The following PTGER3 variants were observed in gnomAD, a reference collection of about 807,000 sequenced individuals.
PTGER3 encodes the protein prostaglandin E receptor 3.
PTGER3 carries 22 observed loss-of-function variants against 34.7 expected under a neutral mutation model. The ratio of observed to expected loss-of-function variants is 0.63; its 90% confidence interval spans 0.45 to 0.91. The LOEUF (loss-of-function observed/expected upper bound fraction) is 0.91. Ranked by LOEUF, PTGER3 falls within the 40% of genes least tolerant of loss-of-function variation. PTGER3 has a pLI of 0.00. For missense variants in PTGER3, 468 were observed against 519.4 expected (o/e 0.90, Z 0.96); for synonymous variants, 241 against 230.1 (o/e 1.05, Z -0.43).
intron 3 of PTGER3, among the ~76,000 whole-genome samples, chr1:70,973,938 T>C (rs1369238519): frequency 2.0e-5 from 3 of 152,268 alleles, no homozygotes; most frequent in East Asian, 3.9e-4. Flanking sequence ...ATGAGCCATA[T>C]GGCGAACACG....
intron 4 of PTGER3, among the ~76,000 whole-genome samples, chr1:70,858,594 C>T (rs1161636230): frequency 6.6e-6 from 1 of 152,128 alleles, no homozygotes; most frequent in Non-Finnish European, 1.5e-5. Context: ...CTTCAATCCT[C>T]AGATTTCTTA....
intron 4 of PTGER3, among the ~76,000 whole-genome samples, chr1:70,868,926 A>G (rs1277473021): frequency 6.6e-6 from 1 of 152,120 alleles, no homozygotes; most frequent in Non-Finnish European, 1.5e-5. Context: ...GCCCAGCTAT[A>G]AGAAGCTGGG....
At chr1:70,924,822 A>G (rs891137902) in intron 4 of PTGER3, among the ~76,000 whole-genome samples, 1 of 151,586 alleles carries the variant, frequency 6.6e-6, no homozygotes, top group Admixed American at 6.6e-5. Flanking sequence ...TAATCCATGA[A>G]CTCACCCTGA....
At chr1:71,011,856 A>G (rs5675) in intron 2 of PTGER3, 175,345 of 1,020,840 alleles carry the variant, frequency 0.17, 16,438 homozygotes, top group East Asian at 0.44. Flanking sequence ...CTTGTCTTCA[A>G]TGATGTATGT....
chr1:70,924,529 C>T (rs900349422), intron 4 of PTGER3, among the ~76,000 whole-genome samples: 4 of 152,116 alleles, frequency 2.6e-5, no homozygotes, highest in African/African-American at 7.2e-5. Flanking sequence ...TATGAGTATT[C>T]TAATTGTGGG....
At chr1:70,948,101 G>C (rs1650385879), downstream of PTGER3, among the ~76,000 whole-genome samples, 3 of 152,146 alleles carry the variant, frequency 2.0e-5, no homozygotes, top group Admixed American at 1.3e-4. Flanking sequence ...CATAGGGACA[G>C]TAACTGCTAT....
At chr1:71,046,208 C>T (rs1573024650) in intron 1 of PTGER3, among the ~76,000 whole-genome samples, 1 of 149,956 alleles carries the variant, frequency 6.7e-6, no homozygotes, top group East Asian at 2.0e-4. Context: ...ATGGCGTGAA[C>T]CCGGGAGGCG....
At chr1:70,859,862 G>A (rs1374951166) in intron 4 of PTGER3, among the ~76,000 whole-genome samples, 2 of 152,094 alleles carry the variant, frequency 1.3e-5, no homozygotes, top group Non-Finnish European at 2.9e-5. Flanking sequence ...AATCTGTATC[G>A]GTTTGACTTT....
intron 2 of PTGER3, among the ~76,000 whole-genome samples, chr1:70,990,910 C>T (rs1428548678): frequency 6.6e-6 from 1 of 152,120 alleles, no homozygotes; most frequent in Non-Finnish European, 1.5e-5. Context: ...GCTACAATTC[C>T]GTTTCACAAA....
chr1:70,852,908 T>A, intron 4 of PTGER3: 1 of 1,570,516 alleles, frequency 6.4e-7, no homozygotes, highest in Non-Finnish European at 8.7e-7. Context: ...AATGCACTGT[T>A]AATATCTTAA....
At chr1:71,044,118 T>C (rs1004622039) in intron 1 of PTGER3, among the ~76,000 whole-genome samples, 3 of 149,742 alleles carry the variant, frequency 2.0e-5, no homozygotes, top group African/African-American at 4.9e-5. Context: ...GCCCAGCCGA[T>C]GGAACCATTT....
At chr1:70,888,749 G>A (rs960208096) in intron 4 of PTGER3, among the ~76,000 whole-genome samples, 13 of 150,804 alleles carry the variant, frequency 8.6e-5, no homozygotes, top group Non-Finnish European at 1.9e-4. Context: ...TTGTGAATTT[G>A]GGGATTTTTT....
At chr1:70,862,262 A>G in intron 4 of PTGER3, 1 of 1,129,372 alleles carries the variant, frequency 8.9e-7, no homozygotes, top group African/African-American at 1.7e-5. Flanking sequence ...GTAAAAAAAA[A>G]TATTAATAGT....
chr1:70,914,267 G>C (rs143474573), intron 4 of PTGER3, among the ~76,000 whole-genome samples: 1 of 151,820 alleles, frequency 6.6e-6, no homozygotes, highest in African/African-American at 2.4e-5. Context: ...AAGCCATTGT[G>C]CCTCTGTTAC....
At chr1:70,934,610 T>C (rs1403535555) in intron 4 of PTGER3, among the ~76,000 whole-genome samples, 1 of 152,178 alleles carries the variant, frequency 6.6e-6, no homozygotes, top group East Asian at 1.9e-4. Context: ...AAACTATAAA[T>C]ATGCTCATGG....
chr1:70,968,732 T>C (rs1456997884), downstream of PTGER3, among the ~76,000 whole-genome samples: 1 of 151,878 alleles, frequency 6.6e-6, no homozygotes, highest in African/African-American at 2.4e-5. Flanking sequence ...CATATATATA[T>C]ATACTGATAT....
chr1:71,008,350 A>G, intron 2 of PTGER3: 2 of 865,272 alleles, frequency 2.3e-6, no homozygotes, highest in Non-Finnish European at 2.8e-6. Context: ...GAGAATCATA[A>G]TGCACTCTGC....
At chr1:70,986,181 G>T (rs1348546246) in intron 2 of PTGER3, among the ~76,000 whole-genome samples, 1 of 152,038 alleles carries the variant, frequency 6.6e-6, no homozygotes, top group East Asian at 1.9e-4. Context: ...AAAAGGGGAG[G>T]CATGAATACT....
At chr1:70,985,909 A>G (rs1303316488) in intron 2 of PTGER3, among the ~76,000 whole-genome samples, 1 of 152,188 alleles carries the variant, frequency 6.6e-6, no homozygotes, top group Admixed American at 6.5e-5. Flanking sequence ...TTTGAACCAG[A>G]GCAACTCTGA....
Sources: allele counts gnomAD v4.1 joint callset (sites outside exome capture counted in the v4.1 genomes callset), GRCh38; gene constraint gnomAD v4.1.1; transcripts MANE v1.5; gene names NCBI Gene and HGNC (gene_info 2026-07-23, HGNC 2026-07-21).